Variants in BAZ1B observed in about 807,000 individuals in gnomAD.
BAZ1B encodes tyrosine-protein kinase BAZ1B.
Under a neutral mutation model 153.8 loss-of-function variants are expected in BAZ1B, and 22 were observed. The ratio of observed to expected loss-of-function variants is 0.14; its 90% CI spans 0.10 to 0.20. BAZ1B has a LOEUF of 0.20. BAZ1B is among the 10% of genes least tolerant of loss of function. The pLI, the probability that BAZ1B is intolerant of heterozygous loss-of-function variation, is 1.00. For synonymous variants in BAZ1B, 676 were observed against 633.4 expected, an observed-to-expected ratio of 1.07 and a Z score of -1.01; for missense variants, 1,325 against 1,799.3, an observed-to-expected ratio of 0.74 and a Z score of 4.77.
Position 73,476,899 on chromosome 7 carries a change from C to T in BAZ1B, c.2562G>A (p.Lys854=). ...SRRLLAIQAK[K]EREIQEREMK... The stretch of plus-strand genomic sequence containing the variant: ...TTTCTCTTTCCTGGATTTCCCGTTC[C>T]TTCTTAGCTTGAATGGCAAGCAACC... Residue 854 remains lysine (K), a synonymous_variant, in exon 7 of 20, where the codon AAG becomes AAA. Coordinates refer to ENST00000339594, the MANE Select transcript of BAZ1B (RefSeq NM_032408.4). 1 of 1,600,576 alleles carries T rather than the reference C, an allele frequency of 6.2e-7. No homozygotes were observed. Among genetic ancestry groups the T allele is most frequent in the Non-Finnish European group, 8.5e-7 (1 of 1,175,728 alleles).
intron 9 of BAZ1B, among the ~76,000 whole-genome samples, chr7:73,467,381 A>C (rs1390148022): frequency 6.7e-6 from 1 of 149,530 alleles, no homozygotes; most frequent in Non-Finnish European, 1.5e-5. Flanking sequence ...ATTTTTTTTA[A>C]TTTTTTGAGA....
intron 4 of BAZ1B, among the ~76,000 whole-genome samples, chr7:73,496,735 G>A (rs369802825): frequency 2.2e-4 from 34 of 152,216 alleles, no homozygotes; most frequent in South Asian, 1.9e-3. Context: ...ACCTGCTCCC[G>A]TGTGAGAGGG....
intron 1 of BAZ1B, 43 bp downstream of exon 1, chr7:73,521,784 C>T: frequency 6.9e-7 from 1 of 1,456,104 alleles, no homozygotes; most frequent in Non-Finnish European, 9.2e-7. Context: ...CCTACCCCGG[C>T]CCAGCCCGGC....
At chr7:73,444,774 G>A (rs1554566008) in intron 16 of BAZ1B, among the ~76,000 whole-genome samples, 1 of 152,152 alleles carries the variant, frequency 6.6e-6, no homozygotes, top group Admixed American at 6.5e-5. Flanking sequence ...CACCACTTTA[G>A]GAGGCTGAGG....
intron 16 of BAZ1B, among the ~76,000 whole-genome samples, chr7:73,446,768 C>T (rs1554566752): frequency 6.6e-6 from 1 of 152,098 alleles, no homozygotes; most frequent in African/African-American, 2.4e-5. Context: ...ATCCTTCCAC[C>T]TAAGCCTTCA....
intron 8 of BAZ1B, among the ~76,000 whole-genome samples, 160 bp downstream of exon 8, chr7:73,470,185 T>G (rs537673661): frequency 6.6e-6 from 1 of 152,352 alleles, no homozygotes; most frequent in East Asian, 1.9e-4. Context: ...ACTCTAGCAT[T>G]TGGCAGTTAA....
At chr7:73,516,626 AT>A (rs1430582206) in intron 1 of BAZ1B, among the ~76,000 whole-genome samples, 1 of 151,540 alleles carries the variant, frequency 6.6e-6, no homozygotes, top group Admixed American at 6.6e-5. Flanking sequence ...AATACAAAAA[AT>A]AGCCAGGCAT....
intron 7 of BAZ1B, among the ~76,000 whole-genome samples, chr7:73,474,127 CA>C (rs1788913124): frequency 1.3e-5 from 2 of 151,984 alleles, no homozygotes. Context: ...AGAAATAAGC[CA>C]ACGTATCCTA....
chr7:73,472,645 C>A (rs1554572180), intron 7 of BAZ1B, among the ~76,000 whole-genome samples: 2 of 152,164 alleles, frequency 1.3e-5, no homozygotes, highest in Non-Finnish European at 2.9e-5. Flanking sequence ...GGCATGATCT[C>A]GGCTCACTGC....
chr7:73,472,140 A>C (rs1485333017), intron 7 of BAZ1B, among the ~76,000 whole-genome samples: 1 of 152,254 alleles, frequency 6.6e-6, no homozygotes, highest in African/African-American at 2.4e-5. Flanking sequence ...TCTTAAGATA[A>C]ATATAAAACA....
chr7:73,472,097 T>C (rs1788826732), intron 7 of BAZ1B, among the ~76,000 whole-genome samples: 1 of 152,192 alleles, frequency 6.6e-6, no homozygotes, highest in African/African-American at 2.4e-5. Context: ...CTTGTTTCCA[T>C]ACAAATAACA....
intron 5 of BAZ1B, 116 bp from the exon 6 acceptor site, chr7:73,489,507 C>T (rs1426986028): frequency 4.8e-6 from 5 of 1,037,626 alleles, no homozygotes; most frequent in East Asian, 5.2e-5. Flanking sequence ...ATCAACAGGG[C>T]TACAAATTAG....
intron 4 of BAZ1B, among the ~76,000 whole-genome samples, chr7:73,497,586 CA>C (rs1554576543): frequency 6.6e-6 from 1 of 151,906 alleles, no homozygotes; most frequent in Non-Finnish European, 1.5e-5. Flanking sequence ...TCTTTTTTTA[CA>C]ATATTTCTAG....
At chr7:73,493,818 G>C (rs1188877071) in intron 4 of BAZ1B, among the ~76,000 whole-genome samples, 4 of 141,094 alleles carry the variant, frequency 2.8e-5, no homozygotes, top group Admixed American at 2.2e-4. Context: ...CACACTAAGA[G>C]ACAGAGTGAA....
At chr7:73,517,138 G>A (rs1442488793) in intron 1 of BAZ1B, among the ~76,000 whole-genome samples, 3 of 151,236 alleles carry the variant, frequency 2.0e-5, no homozygotes, top group Admixed American at 6.6e-5. Flanking sequence ...AACCAAGATC[G>A]CACCACTGCA....
At chr7:73,500,592 A>G (rs188416312) in intron 3 of BAZ1B, among the ~76,000 whole-genome samples, 35 of 152,104 alleles carry the variant, frequency 2.3e-4, no homozygotes, top group Admixed American at 2.1e-3. Context: ...TCCAATGCTC[A>G]TTAAGAGTTC....
chr7:73,490,647 C>T (rs1202489849), intron 5 of BAZ1B, among the ~76,000 whole-genome samples: 1 of 151,252 alleles, frequency 6.6e-6, no homozygotes, highest in African/African-American at 2.4e-5. Context: ...CTCTTGTTGC[C>T]CAGGCTGGAG....
rs1694159122 is a variant in BAZ1B at position 73,518,086 on chromosome 7, A to G, written c.107+3741T>C. ...AAGTTAAAAACAAGTCTAATATGGCATAACGTATTACTTTAAAGAATGTAT... is the reference window on the plus strand; with the variant it reads ...AAGTTAAAAACAAGTCTAATATGGCGTAACGTATTACTTTAAAGAATGTAT... On this transcript the variant is annotated intron_variant, in intron 1 of 19. Coordinates refer to ENST00000339594, the MANE Select transcript of BAZ1B (RefSeq NM_032408.4). Among the ~76,000 whole-genome samples the G allele has an allele frequency of 2.0e-5, 3 of 152,280 alleles. No homozygotes were observed. The South Asian group carries it at 6.2e-4, about 32-fold the overall frequency.
intron 3 of BAZ1B, among the ~76,000 whole-genome samples, chr7:73,502,348 T>C (rs576552064): frequency 9.9e-5 from 15 of 150,762 alleles, no homozygotes; most frequent in African/African-American, 3.6e-4. Flanking sequence ...CCAATGTCCA[T>C]CATATCTACT....
Sources: gnomAD v4.1 joint callset for allele counts (sites outside exome capture counted in the v4.1 genomes callset) on GRCh38, gnomAD v4.1.1 for gene constraint, MANE v1.5 for transcripts, NCBI Gene and HGNC (gene_info 2026-07-23, HGNC 2026-07-21) for gene names.